MPPED2: variants seen among roughly 807,000 people sequenced by gnomAD.
MPPED2 encodes the protein metallophosphoesterase domain containing 2.
Under a neutral mutation model 33.0 loss-of-function variants are expected in MPPED2, and 5 were observed. The observed-to-expected ratio is 0.15, with a 90% confidence interval of 0.08 to 0.32. MPPED2 has a LOEUF of 0.32. MPPED2 is among the 10% of genes least tolerant of loss of function. MPPED2 has a pLI of 1.00. For synonymous variants in MPPED2, 136 were observed against 141.9 expected (o/e 0.96, Z 0.29); for missense variants, 275 against 372.1 (o/e 0.74, Z 2.15).
intron 4 of MPPED2, among the ~76,000 whole-genome samples, chr11:30,492,991 C>A (rs1297319836): frequency 6.6e-6 from 1 of 152,108 alleles, no homozygotes; most frequent in Admixed American, 6.5e-5. Flanking sequence ...TAGGACAATG[C>A]CTGGCATATA....
At chr11:30,583,121 GA>G (rs1255077598) in intron 1 of MPPED2, among the ~76,000 whole-genome samples, 3 of 98,476 alleles carry the variant, frequency 3.0e-5, no homozygotes, top group African/African-American at 1.4e-4. Context: ...CAAACACCTG[GA>G]AAAGACTTTT....
intron 2 of MPPED2, among the ~76,000 whole-genome samples, chr11:30,557,945 G>A (rs1172850705): frequency 6.6e-6 from 1 of 152,128 alleles, no homozygotes; most frequent in East Asian, 1.9e-4. Context: ...GAACCTAAGG[G>A]CCTTGCTAGG....
chr11:30,428,789 A>G (rs1948953855), intron 4 of MPPED2, among the ~76,000 whole-genome samples: 1 of 152,222 alleles, frequency 6.6e-6, no homozygotes, highest in Non-Finnish European at 1.5e-5. Flanking sequence ...TATATGTAAT[A>G]CATTTAGCAG....
chr11:30,399,737 A>G (rs1947884945), intron 6 of MPPED2, among the ~76,000 whole-genome samples: 1 of 152,238 alleles, frequency 6.6e-6, no homozygotes, highest in Admixed American at 6.5e-5. Flanking sequence ...TAAACTGCAG[A>G]TACCAAATTA....
chr11:30,457,382 CAA>C (rs146074145), intron 4 of MPPED2, among the ~76,000 whole-genome samples: 31,137 of 129,456 alleles, frequency 0.24, 3,695 homozygotes, highest in Non-Finnish European at 0.33. Flanking sequence ...CCTAATTTTC[CAA>C]AAAAAAAAAA....
chr11:30,467,542 G>T (rs944703908), intron 4 of MPPED2, among the ~76,000 whole-genome samples: 2 of 152,226 alleles, frequency 1.3e-5, no homozygotes, highest in Non-Finnish European at 2.9e-5. Context: ...GGCCAGTGTG[G>T]ACCACAGTCC....
chr11:30,491,920 T>C (rs1013321849), intron 4 of MPPED2, among the ~76,000 whole-genome samples: 3 of 152,154 alleles, frequency 2.0e-5, no homozygotes, highest in African/African-American at 7.2e-5. Context: ...TTCCAATGGA[T>C]GGGGCAAAAA....
chr11:30,401,086 T>C (rs1947902390), intron 6 of MPPED2, among the ~76,000 whole-genome samples: 1 of 152,198 alleles, frequency 6.6e-6, no homozygotes, highest in Non-Finnish European at 1.5e-5. Context: ...TATAAATGAA[T>C]TTACTGATAC....
intron 3 of MPPED2, among the ~76,000 whole-genome samples, chr11:30,501,442 A>G (rs1219392995): frequency 6.6e-6 from 1 of 152,230 alleles, no homozygotes; most frequent in African/African-American, 2.4e-5. Flanking sequence ...CCTGCACACA[A>G]TGCAAACACA....
intron 4 of MPPED2, among the ~76,000 whole-genome samples, chr11:30,473,788 T>C (rs1951056577): frequency 6.6e-6 from 1 of 152,180 alleles, no homozygotes; most frequent in Non-Finnish European, 1.5e-5. Flanking sequence ...GAGGTCCATA[T>C]GGCAAGGCAT....
chr11:30,542,967 A>G (rs535331203), intron 2 of MPPED2, among the ~76,000 whole-genome samples: 109 of 152,330 alleles, frequency 7.2e-4, no homozygotes, highest in African/African-American at 2.5e-3. Context: ...CTAGAGAGAC[A>G]GTCCAAAATT....
intron 4 of MPPED2, among the ~76,000 whole-genome samples, chr11:30,464,066 C>T (rs547744582): frequency 7.2e-5 from 11 of 152,078 alleles, no homozygotes; most frequent in African/African-American, 1.2e-4. Flanking sequence ...TTAGTTATAT[C>T]GACATATATC....
chr11:30,430,662 C>G (rs11031080), intron 4 of MPPED2, among the ~76,000 whole-genome samples: 5 of 151,936 alleles, frequency 3.3e-5, no homozygotes, highest in Admixed American at 6.6e-5. Flanking sequence ...CAGTGTAATT[C>G]GTAACAACAA....
At chr11:30,477,793 T>C (rs1951287794) in intron 4 of MPPED2, among the ~76,000 whole-genome samples, 1 of 152,146 alleles carries the variant, frequency 6.6e-6, no homozygotes, top group African/African-American at 2.4e-5. Flanking sequence ...ACTTCTTCTT[T>C]GAATGTTTAA....
chr11:30,511,674 C>A (rs1953203011), intron 3 of MPPED2, among the ~76,000 whole-genome samples: 1 of 152,174 alleles, frequency 6.6e-6, no homozygotes, highest in Non-Finnish European at 1.5e-5. Flanking sequence ...GTATAGCAAG[C>A]ACATAGTTCC....
intron 6 of MPPED2, among the ~76,000 whole-genome samples, chr11:30,395,464 T>A (rs1335766885): frequency 6.6e-6 from 1 of 152,214 alleles, no homozygotes; most frequent in Non-Finnish European, 1.5e-5. Context: ...ATGGTTCATG[T>A]CAACTCTTCT....
downstream of MPPED2, among the ~76,000 whole-genome samples, chr11:30,405,268 A>G (rs1179305240): frequency 6.6e-6 from 1 of 152,202 alleles, no homozygotes; most frequent in Admixed American, 6.5e-5. Flanking sequence ...GTCATCAACT[A>G]AGGTTGGGAC....
At chr11:30,481,858 T>A (rs533196339) in intron 4 of MPPED2, among the ~76,000 whole-genome samples, 2 of 152,280 alleles carry the variant, frequency 1.3e-5, no homozygotes, top group South Asian at 2.1e-4. Flanking sequence ...AATGCAGGGC[T>A]CTGGTGCTTT....
exon 7 of MPPED2, chr11:30,387,108 C>G (rs1279909234): frequency 1.4e-5 from 3 of 221,152 alleles, no homozygotes; most frequent in Non-Finnish European, 2.6e-5. Context: ...TATCTCAATA[C>G]TACAATTAAT....
Sources: allele counts gnomAD v4.1 joint callset (sites outside exome capture counted in the v4.1 genomes callset), GRCh38; gene constraint gnomAD v4.1.1; transcripts MANE v1.5; gene names NCBI Gene and HGNC (gene_info 2026-07-23, HGNC 2026-07-21).